Variants in CFAP46 observed in about 807,000 individuals in gnomAD.
The protein encoded by CFAP46 is cilia- and flagella-associated protein 46.
A neutral mutation model predicts 325.7 loss-of-function variants in CFAP46; 245 were observed. That is an observed-to-expected ratio of 0.75 (90% CI 0.68 to 0.84). The LOEUF (loss-of-function observed/expected upper bound fraction) is 0.84, where lower values mean the gene tolerates loss of function less well. Among genes scored for constraint, CFAP46 ranks in the 40% least tolerant of loss-of-function variants. CFAP46 has a pLI of 0.00. For missense variants in CFAP46, 3,346 were observed against 3,543.0 expected, an observed-to-expected ratio of 0.94 and a Z score of 1.41; for synonymous variants, 1,523 against 1,495.9, an observed-to-expected ratio of 1.02 and a Z score of -0.42.
At position 132,851,825 on chromosome 10, in the gene CFAP46, A is replaced by T. The variant is rs7090577; in HGVS notation, c.5575-520T>A. Among the ~76,000 whole-genome samples, 1,083 of 143,336 alleles carry T rather than the reference A, an allele frequency of 7.6e-3. 17 individuals are homozygous for T. Among genetic ancestry groups the T allele is most frequent in the South Asian group, 0.037 (168 of 4,512 alleles). 94.0% of individuals were successfully genotyped at this position (143,336 alleles called of 152,430 possible). ...GCCAACATTCATGTGCAAGGTATCCACAGATCCTGATCCACAGACGTGGTA... is the reference window on the plus strand; with the variant it reads ...GCCAACATTCATGTGCAAGGTATCCTCAGATCCTGATCCACAGACGTGGTA... On this transcript the variant is annotated intron_variant, in intron 39 of 57. Coordinates refer to ENST00000368586, the MANE Select transcript of CFAP46 (RefSeq NM_001200049.3).
chr10:132,920,790 C>G (rs776295038), intron 13 of CFAP46, among the ~76,000 whole-genome samples: 28 of 152,230 alleles, frequency 1.8e-4, no homozygotes, highest in Non-Finnish European at 3.5e-4. Context: ...CCTCACTGCC[C>G]CTGGGCAGGG....
In CFAP46 at chr10:132,855,197, T is replaced by G. The variant is rs534586253; in HGVS notation, c.5574+2393A>C. ...TTTTATCAGTTTTTGCTTCATTGATTGTGAAACTCTGTTATTAGCTACAGA... is the reference window on the plus strand; with the variant it reads ...TTTTATCAGTTTTTGCTTCATTGATGGTGAAACTCTGTTATTAGCTACAGA... On this transcript the variant is annotated intron_variant, in intron 39 of 57. Coordinates refer to ENST00000368586, the MANE Select transcript of CFAP46 (RefSeq NM_001200049.3). Among the ~76,000 whole-genome samples the G allele has an allele frequency of 4.6e-4, 70 of 152,342 alleles. 1 individual carries two copies. Among genetic ancestry groups the G allele is most frequent in the African/African-American group, 1.3e-3 (55 of 41,572 alleles).
chr10:132,938,060 G>A (rs938755002), intron 5 of CFAP46, among the ~76,000 whole-genome samples: 1 of 152,152 alleles, frequency 6.6e-6, no homozygotes, highest in Non-Finnish European at 1.5e-5. Context: ...AGAGAGTGCC[G>A]CAGACACAGA....
At chr10:132,874,088 C>A (rs1018987888) in intron 31 of CFAP46, among the ~76,000 whole-genome samples, 1 of 152,182 alleles carries the variant, frequency 6.6e-6, no homozygotes, top group Non-Finnish European at 1.5e-5. Flanking sequence ...CAATCTTATA[C>A]AAATTTCTCC....
chr10:132,826,241 CGG>C (rs1848046942), intron 50 of CFAP46, among the ~76,000 whole-genome samples: 2 of 68,656 alleles, frequency 2.9e-5, no homozygotes, highest in African/African-American at 4.0e-5. Flanking sequence ...AGGCAGGAGC[CGG>C]AGCCACGGAG....
Position 132,886,896 on chromosome 10 carries a change from G to A in CFAP46, c.3305-937C>T, listed in dbSNP as rs1239395012. ...GACGCGTCCCCTCCCCGTCATGGGC[G>A]CTGCCCAGCCCAGCCTGCACACCCT... On this transcript the variant is annotated intron_variant, in intron 25 of 57. Transcript: ENST00000368586. This position sits in a 1 kb window ranked among gnomAD's most constrained non-coding sequence, Gnocchi z 5.8. 2.6e-5 allele frequency among the ~76,000 whole-genome samples: 4 copies of A among 151,984 alleles called. No individual in the cohort carries two copies. The highest frequency in any genetic ancestry group is 9.7e-5 in the African/African-American group (4 of 41,326).
intron 34 of CFAP46, among the ~76,000 whole-genome samples, chr10:132,866,944 G>A (rs989316496): frequency 3.9e-5 from 6 of 152,178 alleles, no homozygotes; most frequent in Admixed American, 6.5e-5. Context: ...CTCCCTCTTC[G>A]CTGCCCCCAC....
intron 5 of CFAP46, among the ~76,000 whole-genome samples, chr10:132,938,102 G>C (rs560288267): frequency 6.6e-6 from 1 of 152,148 alleles, no homozygotes; most frequent in Non-Finnish European, 1.5e-5. Context: ...TCCGCCGCCC[G>C]GCACAGTGAC....
rs372744002 is a variant in CFAP46 at position 132,808,526 on chromosome 10, G to T, written c.8043C>A (p.Cys2681Ter). ...APWGLRRGWS[C>*]VSSRGQDKGG... Reference sequence around the variant, plus strand: ...CCTTGTCCTGGCCCCGGGAAGAGACGCAGCTCCAGCCCCGACGCAGACCCC... The same window carrying T: ...CCTTGTCCTGGCCCCGGGAAGAGACTCAGCTCCAGCCCCGACGCAGACCCC... Residue 2681 changes from cysteine to a stop codon, truncating the protein, a stop_gained, in exon 58 of 58, where the codon TGC (cysteine) becomes TGA (stop). Transcript: ENST00000368586. LOFTEE classifies it low-confidence loss of function (END_TRUNC). This position sits in a 1 kb window ranked among gnomAD's most constrained non-coding sequence, Gnocchi z 6.8. 11 of 1,613,118 alleles carry T rather than the reference G, an allele frequency of 6.8e-6. No individual in the cohort carries two copies. The highest frequency in any genetic ancestry group is 1.3e-5 in the African/African-American group (1 of 75,074).
rs1185136929 is a variant in CFAP46, at chr10:132,910,075, C to T, written c.2500-7G>A. The stretch of plus-strand genomic sequence containing the variant: ...TCAGGGCAAACTCGCAGACCTAGGA[C>T]AGACGTGTTCTCGGTCACGAAACCT... On this transcript the variant is annotated splice_region_variant and splice_polypyrimidine_tract_variant and intron_variant, in intron 19 of 57. Transcript: ENST00000368586. 2 of 1,430,462 alleles carry T rather than the reference C, an allele frequency of 1.4e-6. No individual in the cohort carries two copies. Among genetic ancestry groups the T allele is most frequent in the Admixed American group, 6.1e-5 (2 of 32,660 alleles). The allele number at this position is 1,430,462 out of a possible 1,614,324, so 88.6% of individuals were successfully genotyped here.
intron 44 of CFAP46, among the ~76,000 whole-genome samples, chr10:132,837,749 G>A (rs551935965): frequency 2.0e-4 from 20 of 99,772 alleles, no homozygotes; most frequent in East Asian, 9.1e-4. Context: ...ACACAGATGC[G>A]CACGGACACA....
Position 132,923,203 on chromosome 10 carries a change from T to C in CFAP46, c.1257-495A>G, listed in dbSNP as rs1401438786. Among the ~76,000 whole-genome samples the C allele has an allele frequency of 5.4e-5, 8 of 149,070 alleles. No homozygotes were observed. The East Asian group carries it at 1.0e-3, about 19-fold the overall frequency. ...CGGAACCCCTGGCCTCAAGCAGCCATGTGGGGGTGCCCCGGACGCCCTGGC... is the reference window on the plus strand; with the variant it reads ...CGGAACCCCTGGCCTCAAGCAGCCACGTGGGGGTGCCCCGGACGCCCTGGC... On this transcript the variant is annotated intron_variant, in intron 11 of 57. Coordinates refer to ENST00000368586, the MANE Select transcript of CFAP46 (RefSeq NM_001200049.3).
rs142414152 is a variant in CFAP46, at chr10:132,937,588, G to A, written c.624C>T (p.His208=). ...CSTAAPFIKS[H]VPQKYRQIFS... The stretch of plus-strand genomic sequence containing the variant: ...ATATCTGCCGGTATTTCTGTGGCAC[G>A]TGAGACTTAATGAACGGAGCTGCCG... Residue 208 remains histidine (H), a synonymous_variant, in exon 6 of 58, where the codon CAC becomes CAT. Coordinates refer to ENST00000368586, the MANE Select transcript of CFAP46 (RefSeq NM_001200049.3). 8.7e-6 allele frequency: 14 copies of A among 1,613,504 alleles called. No homozygotes were observed. Among genetic ancestry groups the A allele is most frequent in the Admixed American group, 5.0e-5 (3 of 59,980 alleles).
chr10:132,864,607 C>T (rs1848783004), intron 35 of CFAP46, among the ~76,000 whole-genome samples: 1 of 139,750 alleles, frequency 7.2e-6, no homozygotes, highest in African/African-American at 2.7e-5. Flanking sequence ...CACACCTGCC[C>T]TCAGTGCCCG....
At chr10:132,909,887 G>A (rs903592762) in intron 20 of CFAP46, 32 bp downstream of exon 20, 18 of 1,394,712 alleles carry the variant, frequency 1.3e-5, no homozygotes, top group African/African-American at 3.0e-5. Context: ...CAGGGCCTCA[G>A]TCAGAGCCCA....
chr10:132,842,931 C>T (rs766681206), intron 44 of CFAP46, among the ~76,000 whole-genome samples: 1 of 152,200 alleles, frequency 6.6e-6, no homozygotes, highest in Non-Finnish European at 1.5e-5. Context: ...ATTCATGAGC[C>T]CTCATGACCC....
At chr10:132,905,234 G>A (rs1171807005) in intron 22 of CFAP46, among the ~76,000 whole-genome samples, 1 of 152,196 alleles carries the variant, frequency 6.6e-6, no homozygotes, top group African/African-American at 2.4e-5. Flanking sequence ...GAGTCCGGCT[G>A]TAAATGACTT....
intron 39 of CFAP46, among the ~76,000 whole-genome samples, chr10:132,856,440 T>C (rs1485710390): frequency 6.6e-6 from 1 of 152,248 alleles, no homozygotes; most frequent in Non-Finnish European, 1.5e-5. Flanking sequence ...CTTTCTCCTC[T>C]TCTCCCAGGA....
chr10:132,814,913 T>C lies in CFAP46; in HGVS notation c.7119A>G (p.Glu2373=), dbSNP rs1478139845. The change falls in exon 51 of 58, where the codon GAA becomes GAG. Residue 2373 remains glutamate, a splice_region_variant and synonymous_variant. Coordinates refer to ENST00000368586, the MANE Select transcript of CFAP46 (RefSeq NM_001200049.3). ...TTCTTCCCTCCTTTTTCACGCCACC[T>C]TCTGTTGAAGACAAGAAAGAGGCAG... ...LWNRLHKEET[E]GGVKKEGRSR... 1 of 1,614,032 alleles carries C rather than the reference T, an allele frequency of 6.2e-7. No homozygotes were observed. Among genetic ancestry groups the C allele is most frequent in the Non-Finnish European group, 8.5e-7 (1 of 1,179,982 alleles).
Sources: allele counts gnomAD v4.1 joint callset (sites outside exome capture counted in the v4.1 genomes callset), GRCh38; gene constraint gnomAD v4.1.1; non-coding constraint Gnocchi (gnomAD v3.1); transcripts MANE v1.5; gene names NCBI Gene and HGNC (gene_info 2026-07-23, HGNC 2026-07-21).